The following ASPH variants were observed in gnomAD, a reference collection of about 807,000 sequenced individuals.
ASPH encodes the protein aspartate beta-hydroxylase.
In ASPH, 100 loss-of-function variants were observed where a neutral mutation model predicts 118.4. The observed-to-expected ratio is 0.84, with a 90% CI of 0.72 to 1.00. The LOEUF (loss-of-function observed/expected upper bound fraction) is 1.00, where lower values mean the gene tolerates loss of function less well. Ranked by LOEUF, ASPH falls within the 50% of genes least tolerant of loss-of-function variation. The probability of loss-of-function intolerance (pLI) is 0.00; values close to 1 mark genes in which losing one functional copy is unlikely to be tolerated. For missense variants in ASPH, 920 were observed against 919.5 expected, an observed-to-expected ratio of 1.00 and a Z score of -0.01; for synonymous variants, 315 against 325.6, an observed-to-expected ratio of 0.97 and a Z score of 0.35.
At chr8:61,636,730 G>C (rs991588327) in intron 12 of ASPH, among the ~76,000 whole-genome samples, 1 of 152,176 alleles carries the variant, frequency 6.6e-6, no homozygotes, top group Non-Finnish European at 1.5e-5. Flanking sequence ...ACCGTATGTA[G>C]GGTAGGTTGG....
intron 13 of ASPH, chr8:61,625,513 G>A (rs1852436213): frequency 2.0e-6 from 2 of 985,204 alleles, no homozygotes; most frequent in Non-Finnish European, 2.4e-6. Context: ...AATCTGAGGT[G>A]CCAACAAAGC....
At chr8:61,693,590 C>T (rs1833204884) in intron 1 of ASPH, among the ~76,000 whole-genome samples, 2 of 152,170 alleles carry the variant, frequency 1.3e-5, no homozygotes, top group Admixed American at 1.3e-4. Context: ...GACAGACTCC[C>T]ACGGCCACCA....
intron 12 of ASPH, among the ~76,000 whole-genome samples, chr8:61,634,331 C>G (rs1420280615): frequency 1.3e-5 from 2 of 152,104 alleles, no homozygotes; most frequent in Non-Finnish European, 2.9e-5. Flanking sequence ...ACCTAGCAAC[C>G]CATTTAACAT....
At chr8:61,521,551 A>G (rs964656143) in intron 22 of ASPH, among the ~76,000 whole-genome samples, 6 of 152,196 alleles carry the variant, frequency 3.9e-5, no homozygotes, top group African/African-American at 1.4e-4. Context: ...GCTTTAAAGC[A>G]TAATTTCTCA....
intron 13 of ASPH, among the ~76,000 whole-genome samples, chr8:61,621,900 T>A (rs1464661281): frequency 3.3e-5 from 5 of 152,238 alleles, no homozygotes; most frequent in Non-Finnish European, 5.9e-5. Context: ...AAAAAAAAGA[T>A]GTTACACTAC....
At chr8:61,592,875 G>T (rs1841544438) in intron 14 of ASPH, among the ~76,000 whole-genome samples, 1 of 152,182 alleles carries the variant, frequency 6.6e-6, no homozygotes, top group African/African-American at 2.4e-5. Context: ...TCTTGACAGT[G>T]AGGTAAATCT....
intron 8 of ASPH, 98 bp from the exon 9 acceptor site, chr8:61,643,531 T>C: frequency 8.2e-7 from 1 of 1,213,282 alleles, no homozygotes; most frequent in South Asian, 1.3e-5. Flanking sequence ...CTTCACAACT[T>C]TGCCAGATAG....
chr8:61,579,278 G>A, intron 15 of ASPH: 1 of 1,614,166 alleles, frequency 6.2e-7, no homozygotes, highest in Middle Eastern at 1.7e-4. Flanking sequence ...ACGCCAAGTT[G>A]TCCGAGCTGG....
chr8:61,650,299 A>T (rs957233280), intron 5 of ASPH, among the ~76,000 whole-genome samples: 5 of 152,088 alleles, frequency 3.3e-5, no homozygotes, highest in Admixed American at 2.6e-4. Flanking sequence ...ACTGGCAAAA[A>T]ACAGTTTAAA....
chr8:61,606,213 T>A (rs1277059988), intron 14 of ASPH, among the ~76,000 whole-genome samples: 1 of 152,182 alleles, frequency 6.6e-6, no homozygotes, highest in Non-Finnish European at 1.5e-5. Context: ...CTCACCCAAG[T>A]TCATTGGTTT....
At chr8:61,668,368 A>C in intron 3 of ASPH, 1 of 942,512 alleles carries the variant, frequency 1.1e-6, no homozygotes, top group Non-Finnish European at 1.6e-6. Context: ...AATCAATGCC[A>C]CTATAAAATA....
intron 19 of ASPH, among the ~76,000 whole-genome samples, chr8:61,553,342 A>T (rs572977153): frequency 6.6e-6 from 1 of 152,360 alleles, no homozygotes; most frequent in African/African-American, 2.4e-5. Flanking sequence ...TCATTAATTC[A>T]CTGTGGAATG....
chr8:61,618,876 T>C (rs916230189), intron 14 of ASPH, 102 bp downstream of exon 14: 5 of 1,025,080 alleles, frequency 4.9e-6, no homozygotes, highest in Non-Finnish European at 7.1e-6. Flanking sequence ...GCAAATTCTT[T>C]TAATTAGTGA....
At chr8:61,651,338 C>A in intron 4 of ASPH, 2 of 386,184 alleles carry the variant, frequency 5.2e-6, no homozygotes, top group Non-Finnish European at 9.1e-6. Flanking sequence ...CAGACTTAAG[C>A]ATTAAAATAC....
Position 61,517,606 on chromosome 8 carries a change from G to A in ASPH, c.2048C>T (p.Thr683Ile), listed in dbSNP as rs907420761. The change falls in exon 24 of 25, where the codon ACA (threonine) becomes ATA (isoleucine). Residue 683 changes from threonine to isoleucine, a missense_variant. Physicochemically the swap from Thr to Ile is moderately conservative, Grantham distance 89. Coordinates refer to ENST00000379454, the MANE Select transcript of ASPH (RefSeq NM_004318.4). Reference protein sequence around the residue: ...GTHVWPHTGPTNCRLRMHLGL... With the variant: ...GTHVWPHTGPINCRLRMHLGL... ...CAGGTGCATTCGGAGCCTGCAGTTT[G>A]TGGGCCCTGTGTGCGGCCACACGTG... is the stretch of plus-strand genomic sequence containing the variant. 6.2e-7 allele frequency: 1 copy of A among 1,614,008 alleles called. No individual in the cohort carries two copies.
chr8:61,622,188 A>C (rs1851197541), intron 13 of ASPH, among the ~76,000 whole-genome samples: 1 of 152,068 alleles, frequency 6.6e-6, no homozygotes, highest in African/African-American at 2.4e-5. Flanking sequence ...AAATACAAAA[A>C]TTAGCTGGGC....
At position 61,526,088 on chromosome 8, in the gene ASPH, T is replaced by C; in HGVS notation, c.1789A>G (p.Ile597Val). 1.2e-6 allele frequency: 2 copies of C among 1,614,058 alleles called. No homozygotes were observed. Among genetic ancestry groups the C allele is most frequent in the Non-Finnish European group, 1.7e-6 (2 of 1,179,910 alleles). Residue 597 changes from isoleucine to valine, a missense_variant, in exon 22 of 25, where the codon ATC (isoleucine) becomes GTC (valine). Physicochemically the swap from Ile to Val is conservative, Grantham distance 29 (BLOSUM62 3). Coordinates refer to ENST00000379454, the MANE Select transcript of ASPH (RefSeq NM_004318.4). ...ATCACTGCAAGGCCTTCATCTCGGA[T>C]TAACTTCCAGTTTCTTTCTAAAGAC... Reference protein sequence around the residue: ...VKSLERNWKLIRDEGLAVMDK... With the variant: ...VKSLERNWKLVRDEGLAVMDK...
chr8:61,681,217 T>C (rs1388261065), intron 2 of ASPH, among the ~76,000 whole-genome samples, 181 bp from the exon 3 acceptor site: 4 of 151,752 alleles, frequency 2.6e-5, no homozygotes, highest in African/African-American at 9.7e-5. Flanking sequence ...AGCGAGCAAT[T>C]CAGTTAAGAG....
At chr8:61,541,544 G>GAA (rs1159449780) in intron 21 of ASPH, among the ~76,000 whole-genome samples, 1 of 152,172 alleles carries the variant, frequency 6.6e-6, no homozygotes, top group African/African-American at 2.4e-5. Context: ...TCTGTAATTT[G>GAA]AAAATTACAA....
Sources: allele counts gnomAD v4.1 joint callset (sites outside exome capture counted in the v4.1 genomes callset), GRCh38; gene constraint gnomAD v4.1.1; transcripts MANE v1.5; gene names NCBI Gene and HGNC (gene_info 2026-07-23, HGNC 2026-07-21).